Variants in TMEM273 observed in about 807,000 individuals in gnomAD.
The protein encoded by TMEM273 is transmembrane protein 273, also known as chromosome 10 open reading frame 128.
Under a neutral mutation model 17.9 loss-of-function variants are expected in TMEM273, and 19 were observed. That is an observed-to-expected ratio of 1.06 (90% CI 0.74 to 1.55). TMEM273 has a LOEUF of 1.55. Ranked by LOEUF, TMEM273 falls within the 40% of genes most tolerant of loss-of-function variation. TMEM273 has a pLI of 0.00. For missense variants in TMEM273, 194 were observed against 155.6 expected (o/e 1.25, Z -1.31); for synonymous variants, 66 against 62.0 (o/e 1.07, Z -0.31).
chr10:49,160,431 C>A (rs542805811), intron 6 of TMEM273: 6 of 151,908 alleles, frequency 3.9e-5, no homozygotes, highest in Non-Finnish European at 7.4e-5. Context: ...TATAAGACAA[C>A]GGGGCTTAGG....
chr10:49,156,739 G>A (rs530433225), intron 6 of TMEM273, among the ~76,000 whole-genome samples: 6 of 152,332 alleles, frequency 3.9e-5, no homozygotes, highest in South Asian at 4.1e-4. Context: ...GACAAGCCAC[G>A]TCAAAGGCCA....
chr10:49,161,455 T>C (rs1845835247), intron 6 of TMEM273, 144 bp downstream of exon 6: 1 of 973,614 alleles, frequency 1.0e-6, no homozygotes. Context: ...ACAGCTGTCC[T>C]GGCATGAGGG....
chr10:49,176,693 T>A (rs1846996060), intron 1 of TMEM273, among the ~76,000 whole-genome samples: 1 of 152,124 alleles, frequency 6.6e-6, no homozygotes, highest in African/African-American at 2.4e-5. Flanking sequence ...GGCTGTGGGA[T>A]GACAGCTGTC....
chr10:49,166,807 A>C (rs1846214487), intron 3 of TMEM273, 62 bp downstream of exon 3: 1 of 1,604,442 alleles, frequency 6.2e-7, no homozygotes, highest in South Asian at 1.1e-5. Context: ...CCAGCATCAC[A>C]GAGTGGCCCT....
chr10:49,156,212 A>G (rs975762503), intron 6 of TMEM273: 9 of 1,415,392 alleles, frequency 6.4e-6, no homozygotes, highest in Non-Finnish European at 8.5e-6. Context: ...ATTTTGGGAA[A>G]CTTTTCACTT....
chr10:49,185,696 T>C (rs2132303226), intron 1 of TMEM273, among the ~76,000 whole-genome samples: 1 of 152,204 alleles, frequency 6.6e-6, no homozygotes, highest in East Asian at 1.9e-4. Flanking sequence ...AGATAAAGGA[T>C]AGCCGGGCAC....
At position 49,165,812 on chromosome 10, in the gene TMEM273, C is replaced by T. The variant is rs375710736; in HGVS notation, c.239-16G>A. 10 of 1,613,984 alleles carry T rather than the reference C, an allele frequency of 6.2e-6. No individual in the cohort carries two copies. Among genetic ancestry groups the T allele is most frequent in the East Asian group, 2.2e-5 (1 of 44,880 alleles). On this transcript the variant is annotated splice_polypyrimidine_tract_variant and intron_variant, in intron 3 of 6. Transcript: ENST00000374153. Reference sequence around the variant, plus strand: ...GGGATGGTGTCTAAACAGAGAAAGCCGGGCATTAGGAAGGGGGTCGTGTGA... The same window carrying T: ...GGGATGGTGTCTAAACAGAGAAAGCTGGGCATTAGGAAGGGGGTCGTGTGA...
chr10:49,177,093 C>T (rs1847031419), intron 1 of TMEM273, among the ~76,000 whole-genome samples: 1 of 152,156 alleles, frequency 6.6e-6, no homozygotes, highest in Non-Finnish European at 1.5e-5. Flanking sequence ...CAGGCCTGGC[C>T]TGGGCCACCT....
chr10:49,156,748 C>A (rs184187688), intron 6 of TMEM273, among the ~76,000 whole-genome samples: 18 of 152,278 alleles, frequency 1.2e-4, no homozygotes, highest in African/African-American at 4.3e-4. Context: ...CGTCAAAGGC[C>A]ATAAAACAGA....
At chr10:49,163,823 A>T (rs1192029152) in intron 5 of TMEM273, among the ~76,000 whole-genome samples, 1 of 152,146 alleles carries the variant, frequency 6.6e-6, no homozygotes, top group Admixed American at 6.5e-5. Context: ...TATCTGTAGG[A>T]GGAGAAATCC....
At position 49,166,899 on chromosome 10, in the gene TMEM273, C is replaced by T. The variant is rs372203141; in HGVS notation, c.208G>A (p.Asp70Asn). The change falls in exon 3 of 7, where the codon GAC (aspartate) becomes AAC (asparagine). Residue 70 changes from aspartate (D) to asparagine (N), a missense_variant. Transcript: ENST00000374153. ...AGGCCCCCAGGCGTGCTTTTCAGGT[C>T]GGAAGAGTCGTCGTCAAATAAGTGC... Reference protein sequence around the residue: ...RRHLFDDDSSDLKSTPGGLSD... With the variant: ...RRHLFDDDSSNLKSTPGGLSD... The T allele has an allele frequency of 2.9e-5, 47 of 1,613,826 alleles. No individual in the cohort carries two copies. Among genetic ancestry groups the T allele is most frequent in the African/African-American group, 6.7e-5 (5 of 74,910 alleles).
At position 49,165,810 on chromosome 10, in the gene TMEM273, G is replaced by C. The variant is rs1431697326; in HGVS notation, c.239-14C>G. 3.1e-6 allele frequency: 5 copies of C among 1,614,168 alleles called. No homozygotes were observed. The East Asian group carries it at 8.9e-5, about 29-fold the overall frequency. The stretch of plus-strand genomic sequence containing the variant: ...GCGGGATGGTGTCTAAACAGAGAAA[G>C]CCGGGCATTAGGAAGGGGGTCGTGT... On this transcript the variant is annotated splice_polypyrimidine_tract_variant and intron_variant, in intron 3 of 6. Transcript: ENST00000374153.
intron 1 of TMEM273, among the ~76,000 whole-genome samples, chr10:49,174,252 C>T (rs546632256): frequency 1.3e-5 from 2 of 152,370 alleles, no homozygotes; most frequent in Non-Finnish European, 2.9e-5. Context: ...GGCCCTGCCC[C>T]TGCCCCTGCC....
chr10:49,188,328 C>T lies in TMEM273; in HGVS notation c.9G>A (p.Leu3=). Residue 3 remains leucine, a synonymous_variant, in exon 1 of 7, where the codon TTG becomes TTA. Coordinates refer to ENST00000374153, the MANE Select transcript of TMEM273 (RefSeq NM_001288740.3). ...AGAGGATCCTCAGCATGCTGACCCC[C>T]AAGTTCATGCTGGCGCTCTGCTCTT... MN[L]GVSMLRILFL... is the part of the protein sequence containing the mutation. 1 of 1,614,204 alleles carries T rather than the reference C, an allele frequency of 6.2e-7. No homozygotes were observed. The highest frequency in any genetic ancestry group is 8.5e-7 in the Non-Finnish European group (1 of 1,180,016).
chr10:49,159,699 AAG>A (rs1204518062), intron 6 of TMEM273, among the ~76,000 whole-genome samples: 2 of 148,982 alleles, frequency 1.3e-5, no homozygotes, highest in African/African-American at 5.0e-5. Flanking sequence ...ATTAAAATAA[AAG>A]AGAGAGAGAG....
chr10:49,167,579 G>T (rs536713319), intron 2 of TMEM273, among the ~76,000 whole-genome samples: 1 of 152,208 alleles, frequency 6.6e-6, no homozygotes, highest in Admixed American at 6.5e-5. Context: ...CTGGAAGCTC[G>T]CAGGTGGAGG....
At chr10:49,175,949 C>T (rs866429186) in intron 1 of TMEM273, among the ~76,000 whole-genome samples, 48 of 152,322 alleles carry the variant, frequency 3.2e-4, no homozygotes, top group African/African-American at 1.1e-3. Flanking sequence ...CTTGCCCCAC[C>T]TTTGAGCCTC....
At chr10:49,171,255 C>T (rs1806681) in intron 1 of TMEM273, among the ~76,000 whole-genome samples, 43,700 of 152,140 alleles carry the variant, frequency 0.29, 7,418 homozygotes, top group African/African-American at 0.47. Context: ...CTGACTGCTA[C>T]CACCGACTGC....
chr10:49,175,818 G>C (rs1166564083), intron 1 of TMEM273, among the ~76,000 whole-genome samples: 1 of 152,210 alleles, frequency 6.6e-6, no homozygotes, highest in East Asian at 1.9e-4. Flanking sequence ...GGAAGACGGG[G>C]GTTCTGGAAC....
Sources: gnomAD v4.1 joint callset for allele counts (sites outside exome capture counted in the v4.1 genomes callset) on GRCh38, gnomAD v4.1.1 for gene constraint, MANE v1.5 for transcripts, NCBI Gene and HGNC (gene_info 2026-07-23, HGNC 2026-07-21) for gene names.